The following MPZL3 variants were observed in gnomAD, a reference collection of about 807,000 sequenced individuals.
The protein encoded by MPZL3 is myelin protein zero like 3, also known as myelin protein zero-like protein 3.
MPZL3 carries 23 observed loss-of-function variants against 24.8 expected under a neutral mutation model. That is an observed-to-expected ratio of 0.93 (90% CI 0.67 to 1.31). The LOEUF is 1.31. Ranked by LOEUF, MPZL3 falls within the 40% of genes most tolerant of loss-of-function variation. The probability of loss-of-function intolerance (pLI) is 0.00; values close to 1 mark genes in which losing one functional copy is unlikely to be tolerated. For missense variants in MPZL3, 277 were observed against 294.9 expected (o/e 0.94, Z 0.44); for synonymous variants, 99 against 106.5 (o/e 0.93, Z 0.44).
chr11:118,229,603 A>C lies in MPZL3; in HGVS notation c.*291T>G, dbSNP rs1270638495. 3.3e-6 allele frequency: 1 copy of C among 303,754 alleles called. No individual in the cohort carries two copies. The highest frequency in any genetic ancestry group is 6.1e-6 in the Non-Finnish European group (1 of 164,298). The allele number at this position is 303,754 out of a possible 1,614,324, so 18.8% of individuals were successfully genotyped here. A position where few individuals can be genotyped will look rare whatever the true frequency, so the allele number is the denominator to read the frequency against. On this transcript the variant is annotated 3_prime_UTR_variant, in exon 6 of 6. Transcript: ENST00000278949. The stretch of plus-strand genomic sequence containing the variant: ...TGTAATACATTCCAGAGCAAAGATG[A>C]ATCAAAAAGTATCTTTTTGCTCAGG...
intron 2 of MPZL3, among the ~76,000 whole-genome samples, chr11:118,238,126 G>T (rs1271449562): frequency 7.3e-6 from 1 of 137,532 alleles, no homozygotes; most frequent in Non-Finnish European, 1.6e-5. Flanking sequence ...AACGGAGCTA[G>T]ACTCCGCCTC....
At chr11:118,247,147 G>A (rs767051531) in intron 1 of MPZL3, among the ~76,000 whole-genome samples, 4 of 152,074 alleles carry the variant, frequency 2.6e-5, no homozygotes, top group Non-Finnish European at 2.9e-5. Flanking sequence ...AATGCCTCCC[G>A]TTGGCCAAAT....
Position 118,243,535 on chromosome 11 carries a change from G to A in MPZL3, c.74-3158C>T, listed in dbSNP as rs149262225. On this transcript the variant is annotated intron_variant, in intron 1 of 5. Transcript: ENST00000278949. ...TATAATCCCAGCACTTTGGGAGGCC[G>A]AGGCAGGGGGATCACATGAGGCCAG... Among the ~76,000 whole-genome samples, 924 of 152,264 alleles carry A rather than the reference G, an allele frequency of 6.1e-3. 7 individuals carry two copies. Among genetic ancestry groups the A allele is most frequent in the African/African-American group, 0.021 (876 of 41,540 alleles).
intron 1 of MPZL3, among the ~76,000 whole-genome samples, chr11:118,242,849 C>A (rs1249907635): frequency 1.3e-5 from 2 of 152,160 alleles, no homozygotes; most frequent in African/African-American, 2.4e-5. Flanking sequence ...AAAGGCTATT[C>A]CTCTATTAAA....
At chr11:118,248,070 C>CTTTTTT (rs60335848) in intron 1 of MPZL3, among the ~76,000 whole-genome samples, 40 of 98,980 alleles carry the variant, frequency 4.0e-4, no homozygotes, top group Middle Eastern at 9.6e-3. Flanking sequence ...ACAGTTTCCT[C>CTTTTTT]TTTTTTTTTT....
At chr11:118,234,031 C>A (rs1423774611) in intron 4 of MPZL3, among the ~76,000 whole-genome samples, 1 of 152,046 alleles carries the variant, frequency 6.6e-6, no homozygotes, top group African/African-American at 2.4e-5. Context: ...CACATATTAC[C>A]ACCCACCCTT....
intron 2 of MPZL3, among the ~76,000 whole-genome samples, chr11:118,239,685 G>T (rs1239412993): frequency 6.6e-6 from 1 of 152,090 alleles, no homozygotes; most frequent in African/African-American, 2.4e-5. Flanking sequence ...CCAACACGAG[G>T]TGCCACCATT....
In MPZL3 at chr11:118,251,318, C is replaced by G. The variant is rs535642043; in HGVS notation, c.73+904G>C. 2.1e-4 allele frequency among the ~76,000 whole-genome samples: 32 copies of G among 152,084 alleles called. No homozygotes were observed. In the South Asian group the frequency reaches 6.4e-3, roughly 31 times the overall value. On this transcript the variant is annotated intron_variant, in intron 1 of 5. Coordinates refer to ENST00000278949, the MANE Select transcript of MPZL3 (RefSeq NM_198275.3). ...CCTTAACTGCTAAGATTTAGGACAT[C>G]TGAAGTCTTTATATTAAACTATTTA... is the stretch of plus-strand genomic sequence containing the variant.
At chr11:118,242,812 C>T (rs1017890105) in intron 1 of MPZL3, among the ~76,000 whole-genome samples, 10 of 152,216 alleles carry the variant, frequency 6.6e-5, no homozygotes, top group Non-Finnish European at 1.3e-4. Context: ...TGCACAGGCA[C>T]AGATGCCATC....
At chr11:118,249,492 A>G (rs956677918) in intron 1 of MPZL3, among the ~76,000 whole-genome samples, 3 of 152,214 alleles carry the variant, frequency 2.0e-5, no homozygotes, top group Non-Finnish European at 4.4e-5. Context: ...CTGAGCAGAA[A>G]AGCATTCTTG....
intron 3 of MPZL3, among the ~76,000 whole-genome samples, chr11:118,236,688 T>A (rs796150818): frequency 4.3e-4 from 66 of 152,250 alleles, no homozygotes; most frequent in African/African-American, 1.5e-3. Flanking sequence ...ATGCCATAAC[T>A]GGGAGTATGA....
chr11:118,250,379 G>C (rs1057271011), intron 1 of MPZL3, among the ~76,000 whole-genome samples: 3 of 151,846 alleles, frequency 2.0e-5, no homozygotes, highest in African/African-American at 7.3e-5. Context: ...GGTTGCCAGG[G>C]GCTAAGGGAA....
chr11:118,244,858 C>T lies in MPZL3; in HGVS notation c.74-4481G>A, dbSNP rs999183267. Among the ~76,000 whole-genome samples the T allele has an allele frequency of 3.9e-5, 6 of 152,140 alleles. 1 individual carries two copies. Among genetic ancestry groups the T allele is most frequent in the Middle Eastern group, 6.3e-3 (2 of 316 alleles). On this transcript the variant is annotated intron_variant, in intron 1 of 5. Coordinates refer to ENST00000278949, the MANE Select transcript of MPZL3 (RefSeq NM_198275.3). ...TTGGGAGGCCGAGGCGGGTGGATCA[C>T]GAGTTCAGGAGATCGAGACCATCCT...
At chr11:118,244,848 G>A (rs865845416) in intron 1 of MPZL3, among the ~76,000 whole-genome samples, 1 of 152,160 alleles carries the variant, frequency 6.6e-6, no homozygotes. Context: ...AGGCCGAGGC[G>A]GGTGGATCAC....
intron 2 of MPZL3, among the ~76,000 whole-genome samples, chr11:118,238,550 C>T (rs1949453753): frequency 6.6e-6 from 1 of 152,204 alleles, no homozygotes; most frequent in African/African-American, 2.4e-5. Context: ...ACAGGCTTTC[C>T]TCTTTCTTTG....
At chr11:118,231,178 A>T (rs1344506062) in intron 5 of MPZL3, among the ~76,000 whole-genome samples, 1 of 152,022 alleles carries the variant, frequency 6.6e-6, no homozygotes, top group African/African-American at 2.4e-5. Flanking sequence ...GTCACCAATG[A>T]CCTCCATATT....
In MPZL3 at chr11:118,233,079, ACTCC is replaced by A. The variant is rs1182216058; in HGVS notation, c.681+377_681+380del. On this transcript the variant is annotated intron_variant, in intron 5 of 5. Coordinates refer to ENST00000278949, the MANE Select transcript of MPZL3 (RefSeq NM_198275.3). The stretch of plus-strand genomic sequence containing the variant: ...TTACCTAAAAGGTTATATCAACCTA[ACTCC>A]CTGAAAAATACTACAGCTCAGTAGA... 7.2e-5 allele frequency among the ~76,000 whole-genome samples: 11 copies of A among 152,238 alleles called. 1 individual carries two copies. In the South Asian group the frequency reaches 2.3e-3, roughly 32 times the overall value.
At chr11:118,234,523 T>G (rs1323550544) in intron 4 of MPZL3, among the ~76,000 whole-genome samples, 1 of 152,164 alleles carries the variant, frequency 6.6e-6, no homozygotes, top group African/African-American at 2.4e-5. Context: ...AAGTATAGTA[T>G]GTTAGGGCAC....
At chr11:118,237,732 C>T (rs144845898) in intron 2 of MPZL3, among the ~76,000 whole-genome samples, 187 of 152,218 alleles carry the variant, frequency 1.2e-3, no homozygotes, top group African/African-American at 4.1e-3. Context: ...AGTAGCATCT[C>T]GTATTTGAAT....
Sources: gnomAD v4.1 joint callset for allele counts (sites outside exome capture counted in the v4.1 genomes callset) on GRCh38, gnomAD v4.1.1 for gene constraint, MANE v1.5 for transcripts, NCBI Gene and HGNC (gene_info 2026-07-23, HGNC 2026-07-21) for gene names.